Variants in BCOR observed in about 807,000 individuals in gnomAD.
The protein encoded by BCOR is BCL-6 corepressor.
Under a neutral mutation model 86.7 loss-of-function variants are expected in BCOR, and 10 were observed. The observed-to-expected ratio is 0.12, with a 90% CI of 0.07 to 0.20. The LOEUF is 0.20. BCOR is among the 10% of genes least tolerant of loss of function. The pLI is 1.00. For synonymous variants in BCOR, 611 were observed against 609.0 expected (o/e 1.00, Z -0.05); for missense variants, 1,259 against 1,452.1 (o/e 0.87, Z 2.16).
At chrX:40,110,853 G>GGCTCCCGCCACT (rs1937301302) in intron 1 of BCOR, among the ~76,000 whole-genome samples, 1 of 105,907 alleles carries the variant, frequency 9.4e-6, no homozygotes, top group Non-Finnish European at 1.9e-5. Flanking sequence ...TGGAATTACA[G>GGCTCCCGCCACT]GCTCCCGCCA....
chrX:40,175,576 G>A (rs1245079244), intron 1 of BCOR, among the ~76,000 whole-genome samples: 1 of 113,349 alleles, frequency 8.8e-6, no homozygotes, highest in Non-Finnish European at 1.9e-5. Flanking sequence ...TTCCGCGGCG[G>A]GCGACACCGC....
At chrX:40,055,958 A>T (rs1934571153) in intron 11 of BCOR, among the ~76,000 whole-genome samples, 1 of 109,139 alleles carries the variant, frequency 9.2e-6, no homozygotes, top group Admixed American at 9.8e-5. Flanking sequence ...CATAGCTGGG[A>T]CTATAGGCGC....
At position 40,064,110 on chromosome X, in the gene BCOR, G is replaced by T. The variant is rs5963155; in HGVS notation, c.3503-158C>A. On this transcript the variant is annotated intron_variant, in intron 7 of 14. Transcript: ENST00000378444. The stretch of plus-strand genomic sequence containing the variant: ...CTTTGGCCATCTGGGTTCTGGCTTT[G>T]GGGGAGGGGAGGTGTGGGCGGCTCC... Among the ~76,000 whole-genome samples, 15,506 of 109,600 alleles carry T rather than the reference G, an allele frequency of 0.14. 1,267 individuals carry two copies. Among genetic ancestry groups the T allele is most frequent in the East Asian group, 0.7 (2,297 of 3,297 alleles).
At chrX:40,109,261 G>T (rs1937254448) in intron 1 of BCOR, among the ~76,000 whole-genome samples, 2 of 112,233 alleles carry the variant, frequency 1.8e-5, no homozygotes, top group East Asian at 5.8e-4. Flanking sequence ...CTCGGCGCGG[G>T]TGCCCCCACC....
intron 1 of BCOR, among the ~76,000 whole-genome samples, chrX:40,148,537 A>T (rs1308472440): frequency 9.0e-6 from 1 of 111,024 alleles, no homozygotes; most frequent in African/African-American, 3.3e-5. Context: ...GGCCGAGGAA[A>T]CAGAAGAGAG....
chrX:40,172,321 C>T (rs777867995), intron 1 of BCOR, among the ~76,000 whole-genome samples: 9 of 112,455 alleles, frequency 8.0e-5, no homozygotes, highest in African/African-American at 2.9e-4. Context: ...AACAGGTCCT[C>T]GCCAGCAGCC....
intron 1 of BCOR, among the ~76,000 whole-genome samples, chrX:40,127,496 G>C (rs1398167926): frequency 8.9e-6 from 1 of 112,185 alleles, no homozygotes; most frequent in African/African-American, 3.2e-5. Context: ...CTATGGTTTA[G>C]AGTGTTTTGT....
chrX:40,147,745 G>A (rs952142395), intron 1 of BCOR, among the ~76,000 whole-genome samples: 1 of 113,322 alleles, frequency 8.8e-6, no homozygotes, highest in Non-Finnish European at 1.9e-5. Context: ...AGCCGCCCGA[G>A]TCCCGAAGCG....
intron 1 of BCOR, among the ~76,000 whole-genome samples, chrX:40,156,360 C>A (rs984937465): frequency 9.8e-6 from 1 of 101,949 alleles, no homozygotes; most frequent in South Asian, 4.8e-4. Flanking sequence ...CCCGCGCGGC[C>A]GGGTTTTTTC....
chrX:40,161,067 T>C (rs1049403372), intron 1 of BCOR, among the ~76,000 whole-genome samples: 1 of 107,425 alleles, frequency 9.3e-6, no homozygotes, highest in African/African-American at 3.4e-5. Flanking sequence ...AGTGGTGCGA[T>C]CTGGGCTCAC....
At chrX:40,137,406 C>T (rs757538933) in intron 1 of BCOR, among the ~76,000 whole-genome samples, 3 of 109,445 alleles carry the variant, frequency 2.7e-5, no homozygotes, top group Non-Finnish European at 5.7e-5. Flanking sequence ...AAAATTGTCA[C>T]GTGTGGTGGC....
intron 1 of BCOR, among the ~76,000 whole-genome samples, chrX:40,176,707 C>T (rs1403623522): frequency 1.8e-5 from 2 of 111,182 alleles, no homozygotes; most frequent in African/African-American, 6.5e-5. Context: ...GCTCGGGGAG[C>T]CGCTCGCTCC....
chrX:40,057,617 G>A (rs148430209), intron 10 of BCOR, among the ~76,000 whole-genome samples: 1 of 111,905 alleles, frequency 8.9e-6, no homozygotes, highest in East Asian at 2.8e-4. Flanking sequence ...ACCAGAGGCT[G>A]CTAAGAAACT....
At chrX:40,090,877 G>A (rs916947153) in intron 1 of BCOR, among the ~76,000 whole-genome samples, 1 of 112,024 alleles carries the variant, frequency 8.9e-6, no homozygotes, top group Non-Finnish European at 1.9e-5. Context: ...GGGGGACGCC[G>A]GAAATGGTGC....
rs567807064 is a variant in BCOR at position 40,161,137 on chromosome X, A to T, written c.-41+15870T>A. 1.0e-4 allele frequency among the ~76,000 whole-genome samples: 11 copies of T among 107,963 alleles called. 1 individual carries two copies. In the South Asian group the frequency reaches 4.5e-3, roughly 44 times the overall value. The allele number at this position is 107,963 out of a possible 115,157, so 93.8% of individuals were successfully genotyped here. On this transcript the variant is annotated intron_variant, in intron 1 of 14. Coordinates refer to the BCOR transcript ENST00000342274. Reference sequence around the variant, plus strand: ...ATTCTCCCACCTCAGCCTCCAGAGTAGCTGGGACTACAGGTTCATGCCACC... The same window carrying T: ...ATTCTCCCACCTCAGCCTCCAGAGTTGCTGGGACTACAGGTTCATGCCACC...
At chrX:40,099,671 C>T (rs1287614100), upstream of BCOR, among the ~76,000 whole-genome samples, 1 of 112,486 alleles carries the variant, frequency 8.9e-6, no homozygotes, top group Non-Finnish European at 1.9e-5. Flanking sequence ...AAAAATTAGA[C>T]TCACTACTGA....
intron 13 of BCOR, 105 bp downstream of exon 13, chrX:40,054,151 T>G: frequency 9.1e-7 from 1 of 1,101,213 alleles, no homozygotes; most frequent in Non-Finnish European, 1.2e-6. Flanking sequence ...CCCAAGTGAG[T>G]CCTGCTTCCA....
intron 7 of BCOR, among the ~76,000 whole-genome samples, 173 bp from the exon 8 acceptor site, chrX:40,064,125 T>C (rs1231524965): frequency 1.9e-5 from 2 of 105,676 alleles, no homozygotes; most frequent in African/African-American, 6.9e-5. Context: ...AGGGGAGGTG[T>C]GGGCGGCTCC....
intron 1 of BCOR, among the ~76,000 whole-genome samples, chrX:40,155,181 G>C (rs1042808829): frequency 1.8e-5 from 2 of 112,843 alleles, no homozygotes; most frequent in Non-Finnish European, 3.8e-5. Flanking sequence ...CGGTCAGTAC[G>C]GGCTGTTAAC....
Sources: allele counts gnomAD v4.1 joint callset (sites outside exome capture counted in the v4.1 genomes callset), GRCh38; gene constraint gnomAD v4.1.1; transcripts MANE v1.5; gene names NCBI Gene and HGNC (gene_info 2026-07-23, HGNC 2026-07-21).